VCF2: variants seen among roughly 807,000 people sequenced by gnomAD.
VCF2 encodes VCP nuclear cofactor family member 2, also known as protein VCF2.
chrX:55,148,430 A>G, the VCF2 span, among the ~76,000 whole-genome samples: 1 of 110,509 alleles, frequency 9.0e-6, no homozygotes, highest in African/African-American at 3.3e-5. Context: ...AGTAAATAAG[A>G]GCAATGTAAA....
chrX:55,161,008 C>G, the VCF2 span: 9 of 1,166,473 alleles, frequency 7.7e-6, no homozygotes, highest in Non-Finnish European at 1.0e-5. Context: ...CCACCAACCC[C>G]GGAAGAAAAT....
the VCF2 span, chrX:55,146,331 AAG>A: frequency 8.5e-7 from 1 of 1,174,624 alleles, no homozygotes; most frequent in Non-Finnish European, 1.2e-6. Flanking sequence ...AAAAGACAGA[AAG>A]GGGATTGCTA....
the VCF2 span, chrX:55,145,891 A>G: frequency 1.0e-6 from 1 of 989,035 alleles, no homozygotes; most frequent in Non-Finnish European, 1.3e-6. Context: ...AAATAAAAAT[A>G]AAAATAAAAA....
At chrX:55,160,094 G>A in the VCF2 span, among the ~76,000 whole-genome samples, 1 of 112,064 alleles carries the variant, frequency 8.9e-6, no homozygotes. Context: ...AAAAAATCAC[G>A]TAGAAAACTG....
chrX:55,151,888 C>CTTTTTTT, the VCF2 span, among the ~76,000 whole-genome samples: 1 of 50,045 alleles, frequency 2.0e-5, no homozygotes, highest in African/African-American at 8.2e-5. Context: ...GCTGTGCTTT[C>CTTTTTTT]TTTTTTTTTT....
At chrX:55,157,839 A>G in the VCF2 span, among the ~76,000 whole-genome samples, 1 of 111,580 alleles carries the variant, frequency 9.0e-6, no homozygotes, top group Non-Finnish European at 1.9e-5. Flanking sequence ...AATTTCTTGT[A>G]CTACTCAGTA....
chrX:55,143,929 A>G, the VCF2 span: 1 of 812,938 alleles, frequency 1.2e-6, no homozygotes, highest in South Asian at 2.7e-5. Context: ...CAAGAGATTT[A>G]CACTGACCAC....
At chrX:55,149,458 T>A in the VCF2 span, among the ~76,000 whole-genome samples, 3 of 111,342 alleles carry the variant, frequency 2.7e-5, no homozygotes, top group African/African-American at 9.8e-5. Flanking sequence ...TCAGACCCAG[T>A]AGAAGATACC....
chrX:55,155,424 G>A, the VCF2 span, among the ~76,000 whole-genome samples: 1 of 111,947 alleles, frequency 8.9e-6, no homozygotes, highest in Non-Finnish European at 1.9e-5. Context: ...TGTAAAGAAA[G>A]GGATATATTT....
the VCF2 span, among the ~76,000 whole-genome samples, chrX:55,144,925 C>T: frequency 4.4e-5 from 5 of 112,627 alleles, no homozygotes; most frequent in East Asian, 5.6e-4. Flanking sequence ...CCTGATGCAT[C>T]CTGGTCCTTT....
chrX:55,161,157 A>G, the VCF2 span: 1 of 1,207,222 alleles, frequency 8.3e-7, no homozygotes, highest in South Asian at 1.8e-5. Context: ...AGCCTCCCAT[A>G]GTCCTGCCCT....
chrX:55,153,418 G>A, the VCF2 span, among the ~76,000 whole-genome samples: 5 of 103,888 alleles, frequency 4.8e-5, no homozygotes, highest in Admixed American at 2.1e-4. Context: ...GCAGTGGCGC[G>A]ATCTCAGCTC....
the VCF2 span, chrX:55,143,182 T>C: frequency 1.8e-5 from 2 of 110,569 alleles, no homozygotes; most frequent in Non-Finnish European, 3.8e-5. Flanking sequence ...CCGAGCGGGG[T>C]AGCCAGTGTT....
the VCF2 span, chrX:55,145,949 T>G: frequency 9.3e-7 from 1 of 1,080,945 alleles, no homozygotes; most frequent in East Asian, 3.4e-5. Flanking sequence ...AACAGTGAAG[T>G]AAAACCCCAA....
At chrX:55,144,198 TG>T in the VCF2 span, among the ~76,000 whole-genome samples, 14 of 111,810 alleles carry the variant, frequency 1.3e-4, no homozygotes, top group African/African-American at 4.2e-4. Flanking sequence ...TAGGATGCTA[TG>T]TATTTAAGCA....
the VCF2 span, chrX:55,143,650 A>T: frequency 2.3e-6 from 1 of 440,233 alleles, no homozygotes; most frequent in Non-Finnish European, 4.1e-6. Context: ...CATGCAGGAA[A>T]TGAGTGAGTT....
chrX:55,160,643 A>G, the VCF2 span: 1 of 464,865 alleles, frequency 2.2e-6, no homozygotes, highest in East Asian at 3.7e-5. Flanking sequence ...GACGTTTGTA[A>G]TGAAAGAATA....
At chrX:55,144,478 T>C in the VCF2 span, among the ~76,000 whole-genome samples, 1 of 111,780 alleles carries the variant, frequency 8.9e-6, no homozygotes, top group Non-Finnish European at 1.9e-5. Context: ...TCATGCCTAC[T>C]CCCTAAGTTT....
the VCF2 span, among the ~76,000 whole-genome samples, chrX:55,148,655 C>G: frequency 1.8e-5 from 2 of 110,875 alleles, no homozygotes; most frequent in African/African-American, 6.5e-5. Flanking sequence ...ATCAAGTTGT[C>G]TATAATTAAA....
Sources: gnomAD v4.1 joint callset for allele counts (sites outside exome capture counted in the v4.1 genomes callset) on GRCh38, gnomAD v4.1.1 for gene constraint, MANE v1.5 for transcripts, NCBI Gene and HGNC (gene_info 2026-07-23, HGNC 2026-07-21) for gene names.